Variants in AKT3 observed in about 807,000 individuals in gnomAD.
AKT3 encodes RAC-gamma serine/threonine-protein kinase.
AKT3 carries 15 observed loss-of-function variants against 65.3 expected under a neutral mutation model. That is an observed-to-expected ratio of 0.23 (90% CI 0.15 to 0.35). The LOEUF is 0.35. AKT3 is among the 10% of genes least tolerant of loss of function. AKT3 has a pLI of 1.00. For missense variants in AKT3, 243 were observed against 576.5 expected, an observed-to-expected ratio of 0.42 and a Z score of 5.92; for synonymous variants, 206 against 183.8, an observed-to-expected ratio of 1.12 and a Z score of -0.98.
chr1:243,488,693 G>A (rs1665626046), intron 13 of AKT3, among the ~76,000 whole-genome samples: 1 of 152,160 alleles, frequency 6.6e-6, no homozygotes, highest in African/African-American at 2.4e-5. Flanking sequence ...GAACAATGGC[G>A]GCATTTAGGC....
chr1:243,722,428 T>C (rs779447158), intron 2 of AKT3, among the ~76,000 whole-genome samples: 1 of 152,146 alleles, frequency 6.6e-6, no homozygotes, highest in Non-Finnish European at 1.5e-5. Flanking sequence ...TACATGCATA[T>C]GAATAAAATG....
chr1:243,631,986 C>T (rs1024254225), intron 6 of AKT3, among the ~76,000 whole-genome samples: 1 of 152,172 alleles, frequency 6.6e-6, no homozygotes, highest in African/African-American at 2.4e-5. Flanking sequence ...CCACTGGAGT[C>T]TTGAACCCCT....
At chr1:243,527,936 C>CACACACACACACACAG (rs1671266313) in intron 12 of AKT3, among the ~76,000 whole-genome samples, 3 of 38,272 alleles carry the variant, frequency 7.8e-5, no homozygotes, top group African/African-American at 2.3e-4. Flanking sequence ...CACACACACA[C>CACACACACACACACAG]AGAGAGAGAG....
chr1:243,523,230 T>C (rs1300787786), intron 12 of AKT3, among the ~76,000 whole-genome samples: 2 of 150,978 alleles, frequency 1.3e-5, no homozygotes, highest in African/African-American at 2.4e-5. Flanking sequence ...ATGCAAGCTA[T>C]GTTTTGAAGC....
intron 12 of AKT3, among the ~76,000 whole-genome samples, chr1:243,512,711 T>C (rs888828698): frequency 6.6e-6 from 1 of 152,164 alleles, no homozygotes; most frequent in Admixed American, 6.5e-5. Flanking sequence ...CTGGTTTTTT[T>C]CCCCAATAAC....
chr1:243,709,512 A>G (rs1397546923), intron 2 of AKT3, among the ~76,000 whole-genome samples: 1 of 151,954 alleles, frequency 6.6e-6, no homozygotes, highest in Non-Finnish European at 1.5e-5. Flanking sequence ...ATTATTTAGC[A>G]TAACTTTGAA....
chr1:243,630,334 C>T (rs1679512330), intron 6 of AKT3, among the ~76,000 whole-genome samples: 1 of 152,174 alleles, frequency 6.6e-6, no homozygotes, highest in Admixed American at 6.5e-5. Flanking sequence ...ATGGGTGAGA[C>T]TCTATGCATA....
At chr1:243,820,198 C>T (rs1385665784) in intron 2 of AKT3, among the ~76,000 whole-genome samples, 2 of 152,152 alleles carry the variant, frequency 1.3e-5, no homozygotes, top group African/African-American at 4.8e-5. Context: ...GGATTACAGG[C>T]GTAAGCCACC....
chr1:243,510,695 C>A (rs1669958833), intron 13 of AKT3, among the ~76,000 whole-genome samples: 1 of 152,170 alleles, frequency 6.6e-6, no homozygotes, highest in Non-Finnish European at 1.5e-5. Context: ...GAAGATGGAA[C>A]AGGAAGAGGT....
At chr1:243,592,424 C>A (rs903506724) in intron 8 of AKT3, among the ~76,000 whole-genome samples, 1 of 151,196 alleles carries the variant, frequency 6.6e-6, no homozygotes, top group Non-Finnish European at 1.5e-5. Flanking sequence ...ACATCATAAT[C>A]AATAGCTGAA....
At chr1:243,540,975 T>C (rs150007394) in intron 12 of AKT3, among the ~76,000 whole-genome samples, 347 of 152,324 alleles carry the variant, frequency 2.3e-3, no homozygotes, top group Non-Finnish European at 4.1e-3. Context: ...AACATCTTAC[T>C]TACTGGTGAT....
chr1:243,776,444 T>C (rs1026006140), intron 2 of AKT3, among the ~76,000 whole-genome samples: 1 of 151,800 alleles, frequency 6.6e-6, no homozygotes, highest in Non-Finnish European at 1.5e-5. Context: ...CTCATAAGAG[T>C]AGTGCCCTTA....
Position 243,650,696 on chromosome 1 carries a change from A to G in AKT3, c.285-4659T>C, listed in dbSNP as rs555393707. On this transcript the variant is annotated intron_variant, in intron 4 of 13. Transcript: ENST00000673466. Reference sequence around the variant, plus strand: ...CCCATTGCTTTTTGTCAGGTTTATCAAAGATCAGATGGTTGTAGATGTGTG... The same window carrying G: ...CCCATTGCTTTTTGTCAGGTTTATCGAAGATCAGATGGTTGTAGATGTGTG... Among the ~76,000 whole-genome samples the G allele has an allele frequency of 3.4e-4, 52 of 152,272 alleles. 1 individual carries two copies. Among genetic ancestry groups the G allele is most frequent in the African/African-American group, 1.2e-3 (50 of 41,554 alleles).
intron 1 of AKT3, among the ~76,000 whole-genome samples, chr1:243,847,326 GC>G (rs1467984501): frequency 3.3e-5 from 5 of 152,012 alleles, no homozygotes; most frequent in Non-Finnish European, 7.4e-5. Flanking sequence ...ATAAAGACAA[GC>G]TCCTATCAAA....
chr1:243,637,389 C>T (rs1020217203), intron 6 of AKT3, among the ~76,000 whole-genome samples: 2 of 151,940 alleles, frequency 1.3e-5, no homozygotes, highest in Non-Finnish European at 2.9e-5. Context: ...TTTCTATTTC[C>T]TTAAGAGAAT....
intron 8 of AKT3, among the ~76,000 whole-genome samples, chr1:243,597,222 A>C (rs1553411963): frequency 6.6e-6 from 1 of 152,220 alleles, no homozygotes; most frequent in Non-Finnish European, 1.5e-5. Context: ...AATTATACTT[A>C]AGTTGACTAA....
intron 2 of AKT3, among the ~76,000 whole-genome samples, chr1:243,801,542 C>T (rs554170192): frequency 1.7e-4 from 26 of 152,230 alleles, no homozygotes; most frequent in Non-Finnish European, 3.4e-4. Context: ...AGTATAATAG[C>T]ACAAAGACTG....
At position 243,712,298 on chromosome 1, in the gene AKT3, C is replaced by T. The variant is rs1338610954; in HGVS notation, c.47-16582G>A. ...TTAGAGTCACTTGAGTAAAAACTGA[C>T]GGTGAGAGAGAAAGTTTTTTCTAGA... On this transcript the variant is annotated intron_variant, in intron 2 of 13. Transcript: ENST00000673466. Among the ~76,000 whole-genome samples, 4 of 152,228 alleles carry T rather than the reference C, an allele frequency of 2.6e-5. No individual in the cohort carries two copies. The East Asian group carries it at 5.8e-4, about 22-fold the overall frequency.
chr1:243,726,829 T>C (rs529001431), intron 2 of AKT3, among the ~76,000 whole-genome samples: 1 of 152,310 alleles, frequency 6.6e-6, no homozygotes, highest in East Asian at 1.9e-4. Flanking sequence ...AGAATAGGGA[T>C]AGAAAGCAAA....
Sources: allele counts gnomAD v4.1 joint callset (sites outside exome capture counted in the v4.1 genomes callset), GRCh38; gene constraint gnomAD v4.1.1; transcripts MANE v1.5; gene names NCBI Gene and HGNC (gene_info 2026-07-23, HGNC 2026-07-21).